The following MAPK10 variants were observed in gnomAD, a reference collection of about 807,000 sequenced individuals.
MAPK10 encodes JNK3 alpha protein kinase.
MAPK10 carries 25 observed loss-of-function variants against 59.3 expected under a neutral mutation model. The observed-to-expected ratio is 0.42, with a 90% CI of 0.31 to 0.59. The LOEUF (loss-of-function observed/expected upper bound fraction) is 0.59, where lower values mean the gene tolerates loss of function less well. Among genes scored for constraint, MAPK10 ranks in the 20% least tolerant of loss-of-function variants. The pLI, the probability that MAPK10 is intolerant of heterozygous loss-of-function variation, is 0.15. For synonymous variants in MAPK10, 190 were observed against 200.5 expected (o/e 0.95, Z 0.44); for missense variants, 351 against 568.9 (o/e 0.62, Z 3.90).
At chr4:86,419,924 T>C (rs911994828) in intron 1 of MAPK10, among the ~76,000 whole-genome samples, 1 of 152,212 alleles carries the variant, frequency 6.6e-6, no homozygotes, top group Non-Finnish European at 1.5e-5. Context: ...TTAGTCATCA[T>C]TGTAGCTCCT....
intron 11 of MAPK10, chr4:86,041,024 T>C (rs2041412499): frequency 1.3e-5 from 2 of 152,024 alleles, no homozygotes; most frequent in African/African-American, 4.8e-5. Flanking sequence ...CAAAAACATG[T>C]GAAAGTGTAA....
chr4:86,290,040 A>G, intron 2 of MAPK10, among the ~76,000 whole-genome samples: 1 of 151,750 alleles, frequency 6.6e-6, no homozygotes, highest in Non-Finnish European at 1.5e-5. Flanking sequence ...TAAGTGAGCA[A>G]TTGGATATAC....
At chr4:86,365,224 G>C (rs762879027) in intron 1 of MAPK10, among the ~76,000 whole-genome samples, 39 of 151,850 alleles carry the variant, frequency 2.6e-4, no homozygotes, top group Non-Finnish European at 8.8e-5. Context: ...TTGAGGTAAG[G>C]AGTTTGAGAC....
chr4:86,582,018 G>A (rs112561777), intron 1 of MAPK10, among the ~76,000 whole-genome samples: 1 of 144,838 alleles, frequency 6.9e-6, no homozygotes, highest in African/African-American at 2.6e-5. Context: ...CTTATTTTTT[G>A]TTAAAATATC....
intron 1 of MAPK10, among the ~76,000 whole-genome samples, chr4:86,367,253 T>C (rs1005367434): frequency 6.6e-6 from 1 of 152,142 alleles, no homozygotes; most frequent in Non-Finnish European, 1.5e-5. Context: ...TGCTGACTGA[T>C]ACAATATGAG....
intron 1 of MAPK10, among the ~76,000 whole-genome samples, chr4:86,444,189 C>A (rs1749748578): frequency 6.6e-6 from 1 of 151,964 alleles, no homozygotes; most frequent in African/African-American, 2.4e-5. Context: ...GAAGATTTCC[C>A]CAAATTAATG....
chr4:86,593,595 G>A (rs1424166344), intron 1 of MAPK10: 1 of 152,138 alleles, frequency 6.6e-6, no homozygotes, highest in Non-Finnish European at 1.5e-5. Flanking sequence ...GATTATTTTA[G>A]TCTCATAGAT....
intron 1 of MAPK10, among the ~76,000 whole-genome samples, chr4:86,561,154 C>A (rs1760647661): frequency 6.6e-6 from 1 of 152,152 alleles, no homozygotes; most frequent in African/African-American, 2.4e-5. Context: ...AGGGTTCATG[C>A]TCCTATGAGA....
At chr4:86,573,430 C>A (rs1034110005) in intron 1 of MAPK10, among the ~76,000 whole-genome samples, 1 of 152,168 alleles carries the variant, frequency 6.6e-6, no homozygotes, top group African/African-American at 2.4e-5. Flanking sequence ...ATGTGGGCAT[C>A]TTTCTGTACT....
chr4:86,317,200 C>T (rs1190801643), intron 2 of MAPK10, among the ~76,000 whole-genome samples: 2 of 152,130 alleles, frequency 1.3e-5, no homozygotes, highest in Non-Finnish European at 2.9e-5. Context: ...TGGGGCACCA[C>T]TATGAATCTG....
At chr4:86,105,657 G>A (rs148333131) in intron 5 of MAPK10, among the ~76,000 whole-genome samples, 61 of 152,148 alleles carry the variant, frequency 4.0e-4, no homozygotes, top group African/African-American at 1.4e-3. Context: ...AGAATATATT[G>A]CATTGATCAT....
chr4:86,589,538 C>T (rs1203477833), intron 1 of MAPK10, among the ~76,000 whole-genome samples: 2 of 151,942 alleles, frequency 1.3e-5, no homozygotes, highest in Admixed American at 6.6e-5. Flanking sequence ...AAAAATTAGC[C>T]GGGCGTGGTG....
intron 13 of MAPK10, among the ~76,000 whole-genome samples, chr4:86,019,920 T>A (rs1457798819): frequency 6.6e-6 from 1 of 152,254 alleles, no homozygotes; most frequent in Non-Finnish European, 1.5e-5. Flanking sequence ...GATGCTCATA[T>A]ATTTTTTGTA....
rs749020398 is a variant in MAPK10, at chr4:86,589,259, AAC to A, written c.-263+4649_-263+4650del. On this transcript the variant is annotated intron_variant, in intron 1 of 4. Coordinates refer to the MAPK10 transcript ENST00000502302. ...CATCTATTAGACTGGGAAAGATAAA[AAC>A]AGTTTGATAATGCTGTATTGGTGAA... Among the ~76,000 whole-genome samples the A allele has an allele frequency of 2.8e-4, 43 of 152,338 alleles. 1 individual carries two copies. The highest frequency in any genetic ancestry group is 2.7e-3 in the South Asian group (13 of 4,830).
chr4:86,136,928 G>C (rs1362684580), intron 4 of MAPK10, among the ~76,000 whole-genome samples: 1 of 152,036 alleles, frequency 6.6e-6, no homozygotes, highest in Non-Finnish European at 1.5e-5. Flanking sequence ...AAGATGAAAA[G>C]AGACAAAGAA....
At chr4:86,185,027 T>C (rs765849363) in intron 3 of MAPK10, among the ~76,000 whole-genome samples, 1 of 152,170 alleles carries the variant, frequency 6.6e-6, no homozygotes, top group Non-Finnish European at 1.5e-5. Flanking sequence ...AGGGGCCTAT[T>C]TGCAGTATTT....
intron 1 of MAPK10, among the ~76,000 whole-genome samples, chr4:86,546,541 G>C (rs1416644128): frequency 7.1e-6 from 1 of 139,886 alleles, no homozygotes; most frequent in Non-Finnish European, 1.5e-5. Flanking sequence ...TGGGGGACAA[G>C]AGCGAAACTC....
chr4:86,568,899 C>G (rs1016819136), intron 1 of MAPK10, among the ~76,000 whole-genome samples: 4 of 151,310 alleles, frequency 2.6e-5, no homozygotes, highest in Admixed American at 2.6e-4. Flanking sequence ...GAATTTATGA[C>G]TAAGCCTTCA....
intron 2 of MAPK10, 92 bp downstream of exon 2, chr4:86,354,438 C>T (rs1733358793): frequency 8.2e-6 from 4 of 486,804 alleles, no homozygotes; most frequent in Non-Finnish European, 1.3e-5. Flanking sequence ...AGTATTTCTC[C>T]AGCTCCATGT....
Sources: gnomAD v4.1 joint callset for allele counts (sites outside exome capture counted in the v4.1 genomes callset) on GRCh38, gnomAD v4.1.1 for gene constraint, MANE v1.5 for transcripts, NCBI Gene and HGNC (gene_info 2026-07-23, HGNC 2026-07-21) for gene names.